Variants in PPP2R2C observed in about 807,000 individuals in gnomAD.
The protein encoded by PPP2R2C is protein phosphatase 2, regulatory subunit B, gamma.
In PPP2R2C, 10 loss-of-function variants were observed where a neutral mutation model predicts 45.3. That is an observed-to-expected ratio of 0.22 (90% CI 0.14 to 0.37). The LOEUF (loss-of-function observed/expected upper bound fraction) is 0.37. PPP2R2C is among the 10% of genes least tolerant of loss of function. PPP2R2C has a pLI of 1.00. For missense variants in PPP2R2C, 308 were observed against 619.7 expected, an observed-to-expected ratio of 0.50 and a Z score of 5.34; for synonymous variants, 257 against 245.4, an observed-to-expected ratio of 1.05 and a Z score of -0.44.
chr4:6,527,589 C>T (rs1437754622), intron 2 of PPP2R2C, among the ~76,000 whole-genome samples: 5 of 116,040 alleles, frequency 4.3e-5, no homozygotes, highest in East Asian at 2.7e-4. Flanking sequence ...TAACCCCGCC[C>T]GACCCCACCC....
At chr4:6,453,521 A>C (rs2108748964) in intron 1 of PPP2R2C, among the ~76,000 whole-genome samples, 1 of 143,856 alleles carries the variant, frequency 7.0e-6, no homozygotes, top group East Asian at 2.1e-4. Flanking sequence ...GTGAGCTCTC[A>C]CTGAATGGCA....
At chr4:6,540,651 A>G (rs1303068068) in intron 1 of PPP2R2C, among the ~76,000 whole-genome samples, 1 of 152,252 alleles carries the variant, frequency 6.6e-6, no homozygotes, top group African/African-American at 2.4e-5. Flanking sequence ...GAACTGCCAA[A>G]CTACTTCCCA....
In PPP2R2C at chr4:6,462,610, T is replaced by G. The variant is rs1721384853; in HGVS notation, c.70+9550A>C. ...AACGCAGGTGCAGGACTTTGGATCC[T>G]GGGCCAAACCACCCAACCATAAGAG... On this transcript the variant is annotated intron_variant, in intron 1 of 8. Transcript: ENST00000382599. Among the ~76,000 whole-genome samples, 5 of 152,350 alleles carry G rather than the reference T, an allele frequency of 3.3e-5. 1 individual carries two copies. The South Asian group carries it at 1.0e-3, about 32-fold the overall frequency.
chr4:6,419,216 G>A (rs957705478), intron 1 of PPP2R2C, among the ~76,000 whole-genome samples: 2 of 152,156 alleles, frequency 1.3e-5, no homozygotes, highest in Admixed American at 6.5e-5. Context: ...TAGGGAGTTC[G>A]AGACCAGCCT....
Position 6,375,810 on chromosome 4 carries a change from G to A in PPP2R2C, c.447+9C>T, listed in dbSNP as rs368259239. On this transcript the variant is annotated intron_variant, in intron 4 of 8. Coordinates refer to ENST00000382599, the MANE Select transcript of PPP2R2C (RefSeq NM_020416.4). ...GGCGTGTGCCTGCTTCCCCCTCACC[G>A]GAGCTCACCTGCAGTGACGTCACCG... is the stretch of plus-strand genomic sequence containing the variant. 99 of 1,597,556 alleles carry A rather than the reference G, an allele frequency of 6.2e-5. No individual in the cohort carries two copies. In the Admixed American group the frequency reaches 1.0e-3, roughly 17 times the overall value.
At chr4:6,534,717 C>T (rs1340238723) in intron 2 of PPP2R2C, among the ~76,000 whole-genome samples, 2 of 152,304 alleles carry the variant, frequency 1.3e-5, no homozygotes, top group Admixed American at 1.3e-4. Context: ...CGGGCGCCTT[C>T]CTGCACCCTG....
At chr4:6,561,028 G>C (rs2108847153) in intron 1 of PPP2R2C, among the ~76,000 whole-genome samples, 2 of 152,342 alleles carry the variant, frequency 1.3e-5, no homozygotes, top group Non-Finnish European at 2.9e-5. Flanking sequence ...GTGCATCCTG[G>C]GGTGGATCAT....
In PPP2R2C at chr4:6,342,573, G is replaced by A. The variant is rs533342605; in HGVS notation, c.790+5273C>T. Reference sequence around the variant, plus strand: ...AAGGGTCTTGGCCATCATCGGCCCCGATTCTAAGAAATCAGGGTCTCAGCC... The same window carrying A: ...AAGGGTCTTGGCCATCATCGGCCCCAATTCTAAGAAATCAGGGTCTCAGCC... On this transcript the variant is annotated intron_variant, in intron 6 of 8. Transcript: ENST00000382599. 1.6e-4 allele frequency among the ~76,000 whole-genome samples: 24 copies of A among 152,304 alleles called. No homozygotes were observed. In the Middle Eastern group the frequency reaches 0.01, roughly 65 times the overall value.
chr4:6,365,708 C>T (rs1577112100), intron 5 of PPP2R2C, among the ~76,000 whole-genome samples: 2 of 152,142 alleles, frequency 1.3e-5, no homozygotes, highest in South Asian at 2.1e-4. Context: ...GAGCCTCCTG[C>T]GGTGAATGGC....
intron 2 of PPP2R2C, among the ~76,000 whole-genome samples, chr4:6,531,121 G>A (rs1016398159): frequency 3.3e-5 from 5 of 152,222 alleles, no homozygotes; most frequent in East Asian, 3.9e-4. Flanking sequence ...CAGCAAGGGC[G>A]GGTGGGGTTC....
intron 1 of PPP2R2C, chr4:6,535,517 G>A (rs1724578207): frequency 5.0e-6 from 3 of 602,366 alleles, no homozygotes; most frequent in South Asian, 4.1e-5. Flanking sequence ...CCAGCCCTGG[G>A]CCAGGGTTGG....
chr4:6,469,285 G>T lies in PPP2R2C; in HGVS notation c.70+2875C>A, dbSNP rs112561913. Among the ~76,000 whole-genome samples, 178 of 152,208 alleles carry T rather than the reference G, an allele frequency of 1.2e-3. 1 individual carries two copies. Among genetic ancestry groups the T allele is most frequent in the African/African-American group, 3.7e-3 (152 of 41,526 alleles). ...AAAGAGTCAGTGGTGAGAAAGGCAG[G>T]AGGTGGGTATTCCAGGCAACAGCCA... On this transcript the variant is annotated intron_variant, in intron 1 of 8. Transcript: ENST00000382599.
intron 2 of PPP2R2C, among the ~76,000 whole-genome samples, chr4:6,485,793 T>G (rs2108781796): frequency 6.6e-6 from 1 of 152,094 alleles, no homozygotes; most frequent in East Asian, 1.9e-4. Flanking sequence ...GTTTATCGAT[T>G]TTACTGATAA....
chr4:6,453,430 C>T (rs1254965637), intron 1 of PPP2R2C, among the ~76,000 whole-genome samples: 3 of 152,116 alleles, frequency 2.0e-5, no homozygotes, highest in Admixed American at 6.5e-5. Flanking sequence ...CTCCTCAGCT[C>T]GGGGAGACTT....
At chr4:6,410,217 C>T (rs1037551415) in intron 1 of PPP2R2C, among the ~76,000 whole-genome samples, 4 of 152,198 alleles carry the variant, frequency 2.6e-5, no homozygotes, top group African/African-American at 7.2e-5. Context: ...ATACCAGGCT[C>T]GAGTCTGCTG....
intron 2 of PPP2R2C, among the ~76,000 whole-genome samples, chr4:6,532,978 C>T (rs1008095150): frequency 6.6e-6 from 1 of 152,218 alleles, no homozygotes; most frequent in Admixed American, 6.5e-5. Flanking sequence ...TCACAGTTTA[C>T]ACAGCACGGT....
At position 6,502,919 on chromosome 4, in the gene PPP2R2C, G is replaced by A. The variant is rs144374700; in HGVS notation, c.49+32352C>T. Among the ~76,000 whole-genome samples, 521 of 151,918 alleles carry A rather than the reference G, an allele frequency of 3.4e-3. 3 individuals are homozygous for A. The highest frequency in any genetic ancestry group is 0.012 in the African/African-American group (479 of 41,420). On this transcript the variant is annotated intron_variant, in intron 2 of 9. Transcript: ENST00000506140. ...TGCCTTCAAACAGTATCCCAGACCC[G>A]GCCGCTATTGCCACCTGCACCCCTC...
In PPP2R2C at chr4:6,471,577, G is replaced by C. The variant is rs2108770287; in HGVS notation, c.70+583C>G. ...AATATAACTCACCAGGAATAAAAAGGCCAGCCCCAAACCAGCCGCCTTCTC... is the reference window on the plus strand; with the variant it reads ...AATATAACTCACCAGGAATAAAAAGCCCAGCCCCAAACCAGCCGCCTTCTC... On this transcript the variant is annotated intron_variant, in intron 1 of 8. Transcript: ENST00000382599. The surrounding 1 kb of genome is among the most constrained non-coding windows in gnomAD (Gnocchi z 5.6). 1 of 152,666 alleles carries C rather than the reference G, an allele frequency of 6.6e-6. No homozygotes were observed. Among genetic ancestry groups the C allele is most frequent in the Non-Finnish European group, 1.5e-5 (1 of 68,322 alleles). The allele number at this position is 152,666 out of a possible 1,614,324, so 9.5% of individuals were successfully genotyped here. A position where few individuals can be genotyped will look rare whatever the true frequency, so the allele number is the denominator to read the frequency against.
rs1232511833 is a variant in PPP2R2C, at chr4:6,512,444, CGGT to C, written c.49+22824_49+22826del. On this transcript the variant is annotated intron_variant, in intron 2 of 9. Transcript: ENST00000506140. ...ATGGTGGGGGTGGTGGTGATGGTGG[CGGT>C]GGTGGTGGTGGTGGTGATTATGGTG... Among the ~76,000 whole-genome samples, 15 of 6,660 alleles carry C rather than the reference CGGT, an allele frequency of 2.3e-3. 1 individual carries two copies. Among genetic ancestry groups the C allele is most frequent in the Middle Eastern group, 0.33 (2 of 6 alleles). 4.4% of individuals were successfully genotyped at this position (6,660 alleles called of 152,430 possible). A position where few individuals can be genotyped will look rare whatever the true frequency, so the allele number is the denominator to read the frequency against.
Sources: gnomAD v4.1 joint callset for allele counts (sites outside exome capture counted in the v4.1 genomes callset) on GRCh38, gnomAD v4.1.1 for gene constraint, Gnocchi (gnomAD v3.1) non-coding constraint, MANE v1.5 for transcripts, NCBI Gene and HGNC (gene_info 2026-07-23, HGNC 2026-07-21) for gene names.